Variants in TMEM184A observed in about 807,000 individuals in gnomAD.
The protein encoded by TMEM184A is transmembrane protein 184A, also known as sexually dimorphic, expressed in male gonads 1.
Under a neutral mutation model 39.5 loss-of-function variants are expected in TMEM184A, and 40 were observed. That is an observed-to-expected ratio of 1.01 (90% CI 0.79 to 1.32). The LOEUF (loss-of-function observed/expected upper bound fraction) is 1.32, where lower values mean the gene tolerates loss of function less well. TMEM184A is among the 40% of genes most tolerant of loss of function. TMEM184A has a pLI of 0.00. For synonymous variants in TMEM184A, 280 were observed against 252.3 expected (o/e 1.11, Z -1.04); for missense variants, 603 against 568.8 (o/e 1.06, Z -0.61).
chr7:1,555,655 T>A lies in TMEM184A; in HGVS notation c.1-171A>T, dbSNP rs780917092. ...CCAGCGCCAGGCCCGGCTCCCTCCC[T>A]GCTCCGAGCTCAGCCATCGAAGCTC... is the stretch of plus-strand genomic sequence containing the variant. On this transcript the variant is annotated intron_variant, in intron 1 of 8. Coordinates refer to ENST00000297477, the MANE Select transcript of TMEM184A (RefSeq NM_001097620.2). The surrounding 1 kb of genome is among the most constrained non-coding windows in gnomAD (Gnocchi z 5.2). 1 of 658,562 alleles carries A rather than the reference T, an allele frequency of 1.5e-6. No homozygotes were observed. Among genetic ancestry groups the A allele is most frequent in the East Asian group, 2.7e-5 (1 of 36,528 alleles). 40.8% of individuals were successfully genotyped at this position (658,562 alleles called of 1,614,324 possible).
Position 1,547,823 on chromosome 7 carries a change from C to T in TMEM184A, c.931G>A (p.Val311Met), listed in dbSNP as rs748661397. Reference protein sequence around the residue: ...AAGYQNFIICVEMLFASVALR... With the variant: ...AAGYQNFIICMEMLFASVALR... ...GCCACGGAGGCGAACAGCATCTCCA[C>T]GCAGATGATGAAGTTCTGGTAGCCG... is the stretch of plus-strand genomic sequence containing the variant. Residue 311 changes from valine (V) to methionine (M), a missense_variant, in exon 8 of 9, where the codon GTG (valine) becomes ATG (methionine). Transcript: ENST00000297477. 5.0e-6 allele frequency: 8 copies of T among 1,612,478 alleles called. No individual in the cohort carries two copies. Among genetic ancestry groups the T allele is most frequent in the East Asian group, 2.2e-5 (1 of 44,886 alleles).
chr7:1,550,865 C>A lies in TMEM184A; in HGVS notation c.337G>T (p.Asp113Tyr), dbSNP rs747051127. The A allele has an allele frequency of 6.2e-7, 1 of 1,613,594 alleles. No homozygotes were observed. Among genetic ancestry groups the A allele is most frequent in the South Asian group, 1.1e-5 (1 of 91,088 alleles). The stretch of plus-strand genomic sequence containing the variant: ...TCGAAGTAGACGTAGTACTGGTGGT[C>A]TCCGAGGAGGAGGAGGCTGAGCCAG... ...DSWLSLLLLG[D>Y]HQYYVYFDSV... Residue 113 changes from aspartate (D) to tyrosine (Y), a missense_variant, in exon 3 of 9, where the codon GAC becomes TAC. Physicochemically the swap from Asp to Tyr is radical, Grantham distance 160. Transcript: ENST00000297477.
In TMEM184A at chr7:1,546,907, G is replaced by A. The variant is rs965074324; in HGVS notation, c.*45C>T. The stretch of plus-strand genomic sequence containing the variant: ...GGGGGGACCCTGTTCTTCCCCAGAG[G>A]CCTGGGCAGCCTGGGTCCCTACAGC... On this transcript the variant is annotated 3_prime_UTR_variant, in exon 9 of 9. Coordinates refer to ENST00000297477, the MANE Select transcript of TMEM184A (RefSeq NM_001097620.2). 4.5e-6 allele frequency: 6 copies of A among 1,337,808 alleles called. No individual in the cohort carries two copies. The highest frequency in any genetic ancestry group is 1.5e-5 in the African/African-American group (1 of 67,730). The allele number at this position is 1,337,808 out of a possible 1,614,324, so 82.9% of individuals were successfully genotyped here.
intron 2 of TMEM184A, among the ~76,000 whole-genome samples, chr7:1,553,276 C>A (rs1784676971): frequency 2.0e-5 from 3 of 152,018 alleles, no homozygotes; most frequent in Admixed American, 2.0e-4. Context: ...CCTCAGCCTC[C>A]TGAGTAGCTG....
rs10952167 is a variant in TMEM184A, at chr7:1,554,022, G to T, written c.219+1244C>A. On this transcript the variant is annotated intron_variant, in intron 2 of 8. Transcript: ENST00000297477. ...TTACAGCGGAAAGACGGCCTCCTCC[G>T]GGAAGCCCTCTCTGATGGCCTTACA... is the stretch of plus-strand genomic sequence containing the variant. Among the ~76,000 whole-genome samples, 3 of 151,912 alleles carry T rather than the reference G, an allele frequency of 2.0e-5. No individual in the cohort carries two copies. The South Asian group carries it at 6.2e-4, about 31-fold the overall frequency.
In TMEM184A at chr7:1,544,587, G is replaced by A. The variant is rs937136969; in HGVS notation, c.*2365C>T. 4.6e-5 allele frequency: 7 copies of A among 152,386 alleles called. No homozygotes were observed. The highest frequency in any genetic ancestry group is 1.7e-4 in the African/African-American group (7 of 41,462). 9.4% of individuals were successfully genotyped at this position (152,386 alleles called of 1,614,324 possible). ...CCCACGCTCCCCCTCGAGGCAGGTT[G>A]AGCCCCGGCCTGGACCGCCCCACGC... On this transcript the variant is annotated 3_prime_UTR_variant, in exon 9 of 9. Transcript: ENST00000297477.
At chr7:1,554,438 C>T (rs992301473) in intron 2 of TMEM184A, among the ~76,000 whole-genome samples, 3 of 152,206 alleles carry the variant, frequency 2.0e-5, no homozygotes, top group Non-Finnish European at 4.4e-5. Context: ...CCCCTGAAAG[C>T]CACCTCACCG....
chr7:1,551,710 G>T lies in TMEM184A; in HGVS notation c.220-728C>A, dbSNP rs1784607484. On this transcript the variant is annotated intron_variant, in intron 2 of 8. Coordinates refer to ENST00000297477, the MANE Select transcript of TMEM184A (RefSeq NM_001097620.2). ...CCAGCACTTTGGGAGGCCGAGGTGGGTGGATCATTTGAGGTCAGGAGTTCA... is the reference window on the plus strand; with the variant it reads ...CCAGCACTTTGGGAGGCCGAGGTGGTTGGATCATTTGAGGTCAGGAGTTCA... 2.0e-5 allele frequency among the ~76,000 whole-genome samples: 3 copies of T among 152,100 alleles called. No homozygotes were observed. The South Asian group carries it at 6.2e-4, about 31-fold the overall frequency.
intron 3 of TMEM184A, 44 bp downstream of exon 3, chr7:1,550,773 G>C (rs759348994): frequency 6.2e-7 from 1 of 1,605,200 alleles, no homozygotes; most frequent in South Asian, 1.1e-5. Flanking sequence ...GCCCCGGGGA[G>C]TCTCTCCCTC....
At chr7:1,548,885 G>A (rs1385803594) in intron 6 of TMEM184A, 197 bp from the exon 7 acceptor site, 1 of 727,950 alleles carries the variant, frequency 1.4e-6, no homozygotes. Context: ...TGGCTGGGGG[G>A]CCTATGCAGG....
At position 1,546,919 on chromosome 7, in the gene TMEM184A, T is replaced by C. The variant is rs1215219829; in HGVS notation, c.*33A>G. 26 of 1,425,216 alleles carry C rather than the reference T, an allele frequency of 1.8e-5. No individual in the cohort carries two copies. The highest frequency in any genetic ancestry group is 2.4e-5 in the Non-Finnish European group (26 of 1,072,230). 88.3% of individuals were successfully genotyped at this position (1,425,216 alleles called of 1,614,324 possible). ...TTCTTCCCCAGAGGCCTGGGCAGCC[T>C]GGGTCCCTACAGCACTGGCAGCCCA... On this transcript the variant is annotated 3_prime_UTR_variant, in exon 9 of 9. Transcript: ENST00000297477.
Position 1,545,014 on chromosome 7 carries a change from C to T in TMEM184A, c.*1938G>A, listed in dbSNP as rs1358227014. The T allele has an allele frequency of 6.6e-6, 1 of 152,272 alleles. No homozygotes were observed. Among genetic ancestry groups the T allele is most frequent in the Admixed American group, 6.5e-5 (1 of 15,286 alleles). The allele number at this position is 152,272 out of a possible 1,614,324, so 9.4% of individuals were successfully genotyped here. A position where few individuals can be genotyped will look rare whatever the true frequency, so the allele number is the denominator to read the frequency against. ...CGGAGCCCAGGCGGTGTCTGGGTCT[C>T]CAGAAAGGGAGCCCTCGGCCACACA... On this transcript the variant is annotated 3_prime_UTR_variant, in exon 9 of 9. Coordinates refer to ENST00000297477, the MANE Select transcript of TMEM184A (RefSeq NM_001097620.2).
At position 1,545,871 on chromosome 7, in the gene TMEM184A, A is replaced by C. The variant is rs540391374; in HGVS notation, c.*1081T>G. 6.6e-6 allele frequency: 1 copy of C among 152,484 alleles called. No homozygotes were observed. The highest frequency in any genetic ancestry group is 2.4e-5 in the African/African-American group (1 of 41,552). 9.4% of individuals were successfully genotyped at this position (152,484 alleles called of 1,614,324 possible). On this transcript the variant is annotated 3_prime_UTR_variant, in exon 9 of 9. Transcript: ENST00000297477. ...ACCCAGGGCCCCACCTGGCACGTGG[A>C]GGAAGAAGAGAAGGGCAGGAGGCAG... is the stretch of plus-strand genomic sequence containing the variant.
rs1444928161 is a variant in TMEM184A at position 1,544,923 on chromosome 7, TA to T, written c.*2028del. On this transcript the variant is annotated 3_prime_UTR_variant, in exon 9 of 9. Transcript: ENST00000297477. The stretch of plus-strand genomic sequence containing the variant: ...GCGGAAACTGACTTCTCCCCTGTCC[TA>T]AAGTGCAGGCCTGAGGTGTTGCTGA... 1 of 152,246 alleles carries T rather than the reference TA, an allele frequency of 6.6e-6. No individual in the cohort carries two copies. Among genetic ancestry groups the T allele is most frequent in the African/African-American group, 2.4e-5 (1 of 41,448 alleles). The allele number at this position is 152,246 out of a possible 1,614,324, so 9.4% of individuals were successfully genotyped here. A position where few individuals can be genotyped will look rare whatever the true frequency, so the allele number is the denominator to read the frequency against.
Position 1,546,931 on chromosome 7 carries a change from G to C in TMEM184A, c.*21C>G. 1 of 1,496,528 alleles carries C rather than the reference G, an allele frequency of 6.7e-7. No homozygotes were observed. Among genetic ancestry groups the C allele is most frequent in the East Asian group, 2.3e-5 (1 of 43,294 alleles). The allele number at this position is 1,496,528 out of a possible 1,614,324, so 92.7% of individuals were successfully genotyped here. On this transcript the variant is annotated 3_prime_UTR_variant, in exon 9 of 9. Transcript: ENST00000297477. ...GGCCTGGGCAGCCTGGGTCCCTACA[G>C]CACTGGCAGCCCAGGCCCCCCTACA...
At chr7:1,553,554 C>A (rs1784685117) in intron 2 of TMEM184A, among the ~76,000 whole-genome samples, 1 of 152,168 alleles carries the variant, frequency 6.6e-6, no homozygotes. Flanking sequence ...CTGGGGAAGG[C>A]CTTCTGGAGG....
chr7:1,548,946 C>G (rs1401921404), intron 6 of TMEM184A: 13 of 639,010 alleles, frequency 2.0e-5, no homozygotes, highest in South Asian at 1.8e-4. Flanking sequence ...TCCTCCTCGT[C>G]CCAGGATCCT....
rs961970752 is a variant in TMEM184A at position 1,549,764 on chromosome 7, C to T, written c.644+90G>A. The T allele has an allele frequency of 5.9e-4, 715 of 1,220,240 alleles. 3 individuals are homozygous for T. The highest frequency in any genetic ancestry group is 5.5e-4 in the East Asian group (22 of 39,948). 75.6% of individuals were successfully genotyped at this position (1,220,240 alleles called of 1,614,324 possible). A position where few individuals can be genotyped will look rare whatever the true frequency, so the allele number is the denominator to read the frequency against. ...CCCACCTTACTTGAGCCCAGCTGGA[C>T]GCCAAGTCCGCCTCGTTGGGCCCCA... On this transcript the variant is annotated intron_variant, in intron 6 of 8. Coordinates refer to ENST00000297477, the MANE Select transcript of TMEM184A (RefSeq NM_001097620.2).
intron 2 of TMEM184A, 70 bp from the exon 3 acceptor site, chr7:1,551,052 G>A: frequency 8.7e-7 from 1 of 1,150,336 alleles, no homozygotes; most frequent in South Asian, 1.3e-5. Flanking sequence ...GGTGAGCCGG[G>A]AAGGAGGTGG....
Sources: gnomAD v4.1 joint callset for allele counts (sites outside exome capture counted in the v4.1 genomes callset) on GRCh38, gnomAD v4.1.1 for gene constraint, Gnocchi (gnomAD v3.1) non-coding constraint, MANE v1.5 for transcripts, NCBI Gene and HGNC (gene_info 2026-07-23, HGNC 2026-07-21) for gene names.